Variants in CLEC16A observed in about 807,000 individuals in gnomAD.
CLEC16A encodes the protein C-type lectin domain containing 16A, also known as protein CLEC16A.
A neutral mutation model predicts 109.5 loss-of-function variants in CLEC16A; 51 were observed. The observed-to-expected ratio is 0.47, with a 90% CI of 0.37 to 0.59. The LOEUF (loss-of-function observed/expected upper bound fraction) is 0.59. Among genes scored for constraint, CLEC16A ranks in the 20% least tolerant of loss-of-function variants. CLEC16A has a pLI of 0.00. For missense variants in CLEC16A, 1,339 were observed against 1,394.0 expected (o/e 0.96, Z 0.63); for synonymous variants, 673 against 564.2 (o/e 1.19, Z -2.73).
intron 16 of CLEC16A, 50 bp from the exon 17 acceptor site, chr16:11,047,242 T>A (rs763443053): frequency 2.0e-6 from 3 of 1,514,294 alleles, no homozygotes; most frequent in East Asian, 4.6e-5. Context: ...CTGTTGTTTA[T>A]GGAAAAAAAT....
At chr16:11,045,206 G>A (rs2047573033) in intron 16 of CLEC16A, among the ~76,000 whole-genome samples, 1 of 152,002 alleles carries the variant, frequency 6.6e-6, no homozygotes, top group Non-Finnish European at 1.5e-5. Flanking sequence ...AAATTAGCCT[G>A]GCATGGTGGC....
intron 22 of CLEC16A, among the ~76,000 whole-genome samples, chr16:11,145,065 T>C (rs1056042823): frequency 3.3e-5 from 5 of 152,060 alleles, no homozygotes; most frequent in African/African-American, 1.2e-4. Flanking sequence ...AAAACCACCA[T>C]GTGCACATGG....
intron 14 of CLEC16A, chr16:11,040,514 CT>C (rs781297913): frequency 5.6e-4 from 57 of 101,492 alleles, no homozygotes; most frequent in East Asian, 1.8e-3. Context: ...TTTTTCTTTT[CT>C]TTTTTTTTTT....
chr16:10,962,884 C>T (rs1347740530), intron 3 of CLEC16A, among the ~76,000 whole-genome samples: 1 of 151,970 alleles, frequency 6.6e-6, no homozygotes, highest in Non-Finnish European at 1.5e-5. Flanking sequence ...AAGGTGAAAC[C>T]CCGTCTCTAC....
chr16:11,166,713 T>C (rs1035744017), intron 23 of CLEC16A, among the ~76,000 whole-genome samples, 161 bp downstream of exon 23: 2 of 152,224 alleles, frequency 1.3e-5, no homozygotes, highest in African/African-American at 4.8e-5. Flanking sequence ...TTCCTCTAAC[T>C]TGATGTTCCC....
At chr16:11,003,439 A>G (rs1345911415) in intron 11 of CLEC16A, 134 bp downstream of exon 11, 4 of 690,552 alleles carry the variant, frequency 5.8e-6, no homozygotes, top group Non-Finnish European at 5.0e-6. Context: ...CCTACCTCAC[A>G]CTGGCGTACC....
At chr16:11,064,281 G>T (rs568107605) in intron 19 of CLEC16A, among the ~76,000 whole-genome samples, 1 of 152,194 alleles carries the variant, frequency 6.6e-6, no homozygotes, top group Non-Finnish European at 1.5e-5. Flanking sequence ...TTTGCAAACC[G>T]AGTGCCTCCC....
At chr16:11,012,000 A>C (rs1467526881) in intron 11 of CLEC16A, among the ~76,000 whole-genome samples, 1 of 152,102 alleles carries the variant, frequency 6.6e-6, no homozygotes, top group Admixed American at 6.5e-5. Flanking sequence ...ACAGTTCAGG[A>C]TGTTTTTGCA....
In CLEC16A at chr16:11,093,694, G is replaced by A. The variant is rs185824768; in HGVS notation, c.2117-26921G>A. Among the ~76,000 whole-genome samples, 498 of 152,328 alleles carry A rather than the reference G, an allele frequency of 3.3e-3. 3 individuals are homozygous for A. Among genetic ancestry groups the A allele is most frequent in the African/African-American group, 0.012 (484 of 41,570 alleles). On this transcript the variant is annotated intron_variant, in intron 19 of 23. Coordinates refer to ENST00000409790, the MANE Select transcript of CLEC16A (RefSeq NM_015226.3). Reference sequence around the variant, plus strand: ...CAGCACAGGTGGAAGAGGGCAGGGCGTGTACAAGACTGAGCAAGAGGAGGT... The same window carrying A: ...CAGCACAGGTGGAAGAGGGCAGGGCATGTACAAGACTGAGCAAGAGGAGGT...
At chr16:11,008,568 A>C (rs1174400597) in intron 11 of CLEC16A, among the ~76,000 whole-genome samples, 1 of 152,106 alleles carries the variant, frequency 6.6e-6, no homozygotes, top group South Asian at 2.1e-4. Context: ...CATAGGCACT[A>C]GTTGGACAAC....
At chr16:11,146,048 T>C (rs1481751749) in intron 22 of CLEC16A, among the ~76,000 whole-genome samples, 1 of 152,216 alleles carries the variant, frequency 6.6e-6, no homozygotes, top group East Asian at 1.9e-4. Context: ...TGGAGGGCCC[T>C]GACCTGGGTG....
At chr16:11,114,218 A>G (rs1376425688) in intron 19 of CLEC16A, among the ~76,000 whole-genome samples, 4 of 148,118 alleles carry the variant, frequency 2.7e-5, no homozygotes, top group Non-Finnish European at 4.4e-5. Context: ...CCTTCCCCTC[A>G]TCTGTGAATG....
chr16:11,040,146 G>C, intron 14 of CLEC16A: 1 of 419,886 alleles, frequency 2.4e-6, no homozygotes, highest in Admixed American at 4.1e-5. Flanking sequence ...CTTTTGCTGA[G>C]ATTGTCAATG....
intron 11 of CLEC16A, among the ~76,000 whole-genome samples, chr16:11,008,263 T>C (rs190853170): frequency 6.6e-6 from 1 of 152,354 alleles, no homozygotes; most frequent in East Asian, 1.9e-4. Flanking sequence ...CGCTGGAATA[T>C]GGAACACAGA....
intron 19 of CLEC16A, among the ~76,000 whole-genome samples, chr16:11,091,579 G>C (rs919125098): frequency 6.6e-6 from 1 of 152,178 alleles, no homozygotes; most frequent in Non-Finnish European, 1.5e-5. Context: ...AGAGTTAGTG[G>C]GTAAATGGGT....
intron 18 of CLEC16A, chr16:11,056,846 T>C (rs1367448143): frequency 6.6e-6 from 1 of 152,266 alleles, no homozygotes; most frequent in East Asian, 1.9e-4. Flanking sequence ...AAGAGTGTAC[T>C]GTGGTCTTGC....
At chr16:10,956,356 TG>T (rs1357918689) in intron 1 of CLEC16A, among the ~76,000 whole-genome samples, 1 of 152,260 alleles carries the variant, frequency 6.6e-6, no homozygotes, top group African/African-American at 2.4e-5. Flanking sequence ...TTCCTCTTTA[TG>T]TCTTACCCGT....
chr16:11,092,722 G>C (rs1478175359), intron 19 of CLEC16A, among the ~76,000 whole-genome samples: 1 of 152,226 alleles, frequency 6.6e-6, no homozygotes, highest in Non-Finnish European at 1.5e-5. Context: ...TAGGTGCTCT[G>C]GAGTCAGAAT....
At chr16:11,001,167 G>T (rs770015377) in intron 10 of CLEC16A, among the ~76,000 whole-genome samples, 3 of 151,984 alleles carry the variant, frequency 2.0e-5, no homozygotes, top group Admixed American at 2.0e-4. Context: ...CCATGTTGGC[G>T]CTCTGCCTCC....
Sources: allele counts gnomAD v4.1 joint callset (sites outside exome capture counted in the v4.1 genomes callset), GRCh38; gene constraint gnomAD v4.1.1; transcripts MANE v1.5; gene names NCBI Gene and HGNC (gene_info 2026-07-23, HGNC 2026-07-21).